Variants in PPP4C observed in about 807,000 individuals in gnomAD.
PPP4C encodes protein phosphatase 4 catalytic subunit.
A neutral mutation model predicts 40.5 loss-of-function variants in PPP4C; 10 were observed. The ratio of observed to expected loss-of-function variants is 0.25; its 90% confidence interval spans 0.15 to 0.42. The LOEUF is 0.42. PPP4C is among the 10% of genes least tolerant of loss of function. PPP4C has a pLI of 1.00. For missense variants in PPP4C, 191 were observed against 416.4 expected (o/e 0.46, Z 4.71); for synonymous variants, 187 against 163.6 (o/e 1.14, Z -1.09).
chr16:30,080,539 C>T (rs1250602205), intron 2 of PPP4C, among the ~76,000 whole-genome samples: 5 of 134,590 alleles, frequency 3.7e-5, no homozygotes, highest in African/African-American at 1.4e-4. Context: ...TGAAGTCTTG[C>T]TCTGTCGCCC....
Position 30,084,754 on chromosome 16 carries a change from T to G in PPP4C, c.693T>G (p.Ile231Met), listed in dbSNP as rs2072587275. Reference protein sequence around the residue: ...VVAQFNAANDIDMICRAHQLV... With the variant: ...VVAQFNAANDMDMICRAHQLV... ...CCCAGTTCAACGCAGCCAATGACATTGACATGATCTGCCGTGCCCACCAAC... is the reference window on the plus strand; with the variant it reads ...CCCAGTTCAACGCAGCCAATGACATGGACATGATCTGCCGTGCCCACCAAC... The change falls in exon 8 of 9, where the codon ATT (isoleucine) becomes ATG (methionine). Residue 231 changes from isoleucine to methionine, a missense_variant. Physicochemically the swap from Ile to Met is conservative, Grantham distance 10. This residue lies in a region of PPP4C where 171 missense variants were observed against 352.4 expected (regional missense o/e 0.49). Transcript: ENST00000279387. 6.2e-7 allele frequency: 1 copy of G among 1,614,188 alleles called. No individual in the cohort carries two copies.
chr16:30,080,395 T>C (rs2151025897), intron 2 of PPP4C, among the ~76,000 whole-genome samples: 1 of 151,624 alleles, frequency 6.6e-6, no homozygotes, highest in South Asian at 2.1e-4. Flanking sequence ...GCAAAGTGAT[T>C]TCATCTCCTG....
chr16:30,078,698 GA>G (rs142291657), intron 2 of PPP4C, among the ~76,000 whole-genome samples: 14,875 of 152,298 alleles, frequency 0.098, 1,056 homozygotes, highest in African/African-American at 0.19. Context: ...TGTCTGAGCT[GA>G]AATTGCTGCT....
intron 2 of PPP4C, among the ~76,000 whole-genome samples, chr16:30,079,816 A>C (rs1294597929): frequency 6.6e-6 from 1 of 152,132 alleles, no homozygotes; most frequent in Non-Finnish European, 1.5e-5. Flanking sequence ...CCCACATCAG[A>C]ATATCTTGAT....
intron 2 of PPP4C, among the ~76,000 whole-genome samples, chr16:30,079,397 C>T: frequency 6.6e-6 from 1 of 152,046 alleles, no homozygotes; most frequent in African/African-American, 2.4e-5. Flanking sequence ...ACCATGTTGG[C>T]CAGGATGGTC....
chr16:30,082,755 G>A lies in PPP4C; in HGVS notation c.211G>A (p.Asp71Asn). The change falls in exon 5 of 9, where the codon GAC (aspartate) becomes AAC (asparagine). Residue 71 changes from aspartate (D) to asparagine (N), a missense_variant. Physicochemically the swap from Asp to Asn is conservative, Grantham distance 23. Around this residue, in one of 3 missense-constraint regions of PPP4C, gnomAD observed 171 missense variants for 352.4 expected, o/e 0.49. Transcript: ENST00000279387. Reference protein sequence around the residue: ...DLKELFRVGGDVPETNYLFMG... With the variant: ...DLKELFRVGGNVPETNYLFMG... ...TTCTACTTCCCCACAGGTAGGTGGC[G>A]ACGTCCCTGAGACCAACTACCTCTT... 3 of 1,613,846 alleles carry A rather than the reference G, an allele frequency of 1.9e-6. No homozygotes were observed. The highest frequency in any genetic ancestry group is 1.1e-5 in the South Asian group (1 of 91,066).
chr16:30,080,506 C>CTTTT (rs71373222), intron 2 of PPP4C, among the ~76,000 whole-genome samples: 6 of 123,990 alleles, frequency 4.8e-5, no homozygotes, highest in Admixed American at 8.5e-5. Context: ...GAGCACCTCA[C>CTTTT]TTTTTTTTTT....
At chr16:30,081,237 C>T in intron 2 of PPP4C, 22 bp from the exon 3 acceptor site, 2 of 1,613,334 alleles carry the variant, frequency 1.2e-6, no homozygotes, top group South Asian at 1.1e-5. Flanking sequence ...CTGTGGTGAC[C>T]CTGGTCTTCT....
chr16:30,081,546 A>T, intron 3 of PPP4C: 1 of 389,096 alleles, frequency 2.6e-6, no homozygotes. Context: ...GGAGTTCGAG[A>T]CCAGCCTGGC....
intron 7 of PPP4C, among the ~76,000 whole-genome samples, 175 bp from the exon 8 acceptor site, chr16:30,084,491 T>C (rs1315594338): frequency 1.3e-5 from 2 of 152,232 alleles, no homozygotes; most frequent in Non-Finnish European, 2.9e-5. Flanking sequence ...TATCTGCCCC[T>C]ACATTTGCTG....
In PPP4C at chr16:30,085,077, T is replaced by C. The variant is rs1160943070; in HGVS notation, c.*15T>C. On this transcript the variant is annotated 3_prime_UTR_variant, in exon 9 of 9. Transcript: ENST00000279387. ...ACTTCCTGTGACCCCGCCCGGCCCC[T>C]GCCCCCTCCAACCCTTCTGGCCCTC... 1 of 1,595,488 alleles carries C rather than the reference T, an allele frequency of 6.3e-7. No homozygotes were observed. The highest frequency in any genetic ancestry group is 1.1e-5 in the South Asian group (1 of 90,524).
chr16:30,077,077 G>T (rs1178025553), intron 2 of PPP4C, among the ~76,000 whole-genome samples: 2 of 152,140 alleles, frequency 1.3e-5, no homozygotes, highest in Non-Finnish European at 2.9e-5. Flanking sequence ...ATCGTAGCAA[G>T]TAAGCCAGGG....
Position 30,080,570 on chromosome 16 carries a change from G to A in PPP4C, c.99-689G>A, listed in dbSNP as rs556458363. On this transcript the variant is annotated intron_variant, in intron 2 of 8. Transcript: ENST00000279387. ...CGCCCAGGCTGGAGTGCAGTGGCGCGATCTTAGCTCACTGCAGCCCCCACC... is the reference window on the plus strand; with the variant it reads ...CGCCCAGGCTGGAGTGCAGTGGCGCAATCTTAGCTCACTGCAGCCCCCACC... Among the ~76,000 whole-genome samples, 30 of 147,594 alleles carry A rather than the reference G, an allele frequency of 2.0e-4. No individual in the cohort carries two copies. In the South Asian group the frequency reaches 4.1e-3, roughly 20 times the overall value.
chr16:30,083,222 G>GGGGTCGTGTGGGCCT lies in PPP4C; in HGVS notation c.304-168_304-154dup, dbSNP rs2072544074. 2.8e-6 allele frequency: 2 copies of GGGGTCGTGTGGGCCT among 722,146 alleles called. No homozygotes were observed. The highest frequency in any genetic ancestry group is 3.5e-5 in the African/African-American group (2 of 56,792). 44.7% of individuals were successfully genotyped at this position (722,146 alleles called of 1,614,324 possible). ...ATGGGTCAGCTTTACATTCTCTGGA[G>GGGGTCGTGTGGGCCT]GGGTCGTGTGGGCCTGGGAGGTGGC... On this transcript the variant is annotated intron_variant, in intron 5 of 8. Transcript: ENST00000279387. The surrounding 1 kb of genome is among the most constrained non-coding windows in gnomAD (Gnocchi z 6.3).
In PPP4C at chr16:30,083,946, G is replaced by A; in HGVS notation, c.604+165G>A. On this transcript the variant is annotated intron_variant, in intron 7 of 8. Coordinates refer to ENST00000279387, the MANE Select transcript of PPP4C (RefSeq NM_002720.3). The surrounding 1 kb of genome is among the most constrained non-coding windows in gnomAD (Gnocchi z 6.3). ...TGGCAGGTGCTTTGAGCACACAGTGGCTTGGGGCATGGCCCAGAGGGCTGT... is the reference window on the plus strand; with the variant it reads ...TGGCAGGTGCTTTGAGCACACAGTGACTTGGGGCATGGCCCAGAGGGCTGT... 1 of 1,090,972 alleles carries A rather than the reference G, an allele frequency of 9.2e-7. No homozygotes were observed. Among genetic ancestry groups the A allele is most frequent in the Non-Finnish European group, 1.3e-6 (1 of 769,336 alleles). 67.6% of individuals were successfully genotyped at this position (1,090,972 alleles called of 1,614,324 possible). A position where few individuals can be genotyped will look rare whatever the true frequency, so the allele number is the denominator to read the frequency against.
At chr16:30,081,680 T>C (rs1323661585) in intron 3 of PPP4C, 7 of 192,118 alleles carry the variant, frequency 3.6e-5, no homozygotes, top group African/African-American at 1.6e-4. Context: ...GAGTTGGAGA[T>C]TGCAGTGAGC....
chr16:30,084,275 C>CCACACACATACAGA (rs980923430), intron 7 of PPP4C, among the ~76,000 whole-genome samples: 4 of 151,274 alleles, frequency 2.6e-5, no homozygotes, highest in Non-Finnish European at 5.9e-5. Context: ...TCCATCACAG[C>CCACACACATACAGA]CACACACATA....
chr16:30,077,336 G>A (rs1024058790), intron 2 of PPP4C, among the ~76,000 whole-genome samples: 14 of 152,208 alleles, frequency 9.2e-5, no homozygotes, highest in African/African-American at 3.4e-4. Flanking sequence ...TTTTGGTACA[G>A]CATACGTGCT....
Position 30,083,890 on chromosome 16 carries a change from G to A in PPP4C, c.604+109G>A. The A allele has an allele frequency of 2.0e-6, 3 of 1,506,374 alleles. No homozygotes were observed. Among genetic ancestry groups the A allele is most frequent in the Non-Finnish European group, 2.7e-6 (3 of 1,108,886 alleles). The allele number at this position is 1,506,374 out of a possible 1,614,324, so 93.3% of individuals were successfully genotyped here. Reference sequence around the variant, plus strand: ...TCGTCCTCCACCTGCCAAATGGCTGGAACCCTGGAGGAGGAGCAGGGAGGC... The same window carrying A: ...TCGTCCTCCACCTGCCAAATGGCTGAAACCCTGGAGGAGGAGCAGGGAGGC... On this transcript the variant is annotated intron_variant, in intron 7 of 8. Transcript: ENST00000279387. This position sits in a 1 kb window ranked among gnomAD's most constrained non-coding sequence, Gnocchi z 6.3.
Sources: gnomAD v4.1 joint callset for allele counts (sites outside exome capture counted in the v4.1 genomes callset) on GRCh38, gnomAD v4.1.1 for gene constraint, gnomAD v4.1.1 regional missense constraint, Gnocchi (gnomAD v3.1) non-coding constraint, MANE v1.5 for transcripts, NCBI Gene and HGNC (gene_info 2026-07-23, HGNC 2026-07-21) for gene names.